Variants in CADM2 observed in about 807,000 individuals in gnomAD.
CADM2 encodes the protein immunoglobulin superfamily member 4D.
Under a neutral mutation model 49.8 loss-of-function variants are expected in CADM2, and 12 were observed. That is an observed-to-expected ratio of 0.24 (90% CI 0.15 to 0.39). CADM2 has a LOEUF of 0.39. Among genes scored for constraint, CADM2 ranks in the 10% least tolerant of loss-of-function variants. The probability of loss-of-function intolerance (pLI) is 1.00; values close to 1 mark genes in which losing one functional copy is unlikely to be tolerated. For missense variants in CADM2, 378 were observed against 492.3 expected (o/e 0.77, Z 2.20); for synonymous variants, 214 against 175.4 (o/e 1.22, Z -1.74).
intron 8 of CADM2, among the ~76,000 whole-genome samples, chr3:85,987,389 T>A (rs79187479): frequency 6.6e-6 from 1 of 151,676 alleles, no homozygotes; most frequent in African/African-American, 2.4e-5. Context: ...TAAACAGGTC[T>A]ATTTATATAG....
intron 1 of CADM2, among the ~76,000 whole-genome samples, chr3:85,203,189 A>G (rs778937868): frequency 8.5e-5 from 13 of 152,186 alleles, no homozygotes; most frequent in Non-Finnish European, 1.6e-4. Flanking sequence ...TAACTGGTGC[A>G]AGAGGCTCAG....
intron 1 of CADM2, among the ~76,000 whole-genome samples, chr3:85,488,895 A>G (rs898044813): frequency 1.3e-5 from 2 of 152,126 alleles, no homozygotes; most frequent in Non-Finnish European, 2.9e-5. Context: ...TAGCTCATAC[A>G]TGTAAGCTGT....
intron 1 of CADM2, among the ~76,000 whole-genome samples, chr3:85,199,370 T>TGTCTGAGAGAGAGAGAGAGA: frequency 7.1e-6 from 1 of 140,168 alleles, no homozygotes; most frequent in South Asian, 2.2e-4. Flanking sequence ...TGTGTGTGTA[T>TGTCTGAGAGAGAGAGAGAGA]GAGAGAGAGA....
chr3:85,870,238 T>A (rs1351807396), intron 3 of CADM2, among the ~76,000 whole-genome samples: 1 of 151,516 alleles, frequency 6.6e-6, no homozygotes, highest in African/African-American at 2.4e-5. Context: ...TTTGTTGTTG[T>A]TGATGATGAT....
intron 1 of CADM2, among the ~76,000 whole-genome samples, chr3:85,296,775 G>A (rs977524281): frequency 6.6e-6 from 1 of 152,032 alleles, no homozygotes; most frequent in Non-Finnish European, 1.5e-5. Flanking sequence ...CTACTCCTAT[G>A]CCTTGGGATT....
At chr3:86,017,728 C>CAA (rs570758624) in intron 8 of CADM2, among the ~76,000 whole-genome samples, 1 of 110,128 alleles carries the variant, frequency 9.1e-6, no homozygotes, top group Non-Finnish European at 1.9e-5. Context: ...ACCCTGTCTC[C>CAA]AAAAAAAAAA....
At chr3:85,080,456 TTCA>T (rs2107498748) in intron 1 of CADM2, among the ~76,000 whole-genome samples, 1 of 152,172 alleles carries the variant, frequency 6.6e-6, no homozygotes, top group Non-Finnish European at 1.5e-5. Flanking sequence ...AGCATATTCC[TTCA>T]ATTGTCATAG....
chr3:85,090,277 T>G (rs1575840926), intron 1 of CADM2, among the ~76,000 whole-genome samples: 1 of 152,264 alleles, frequency 6.6e-6, no homozygotes, highest in Middle Eastern at 3.4e-3. Flanking sequence ...ATGCCTACAT[T>G]ATGTTAGTAT....
At chr3:85,255,600 GAAA>G (rs1392609149) in intron 1 of CADM2, among the ~76,000 whole-genome samples, 1 of 151,634 alleles carries the variant, frequency 6.6e-6, no homozygotes, top group East Asian at 1.9e-4. Flanking sequence ...AGAACTGAGT[GAAA>G]AAAATATGTG....
chr3:85,424,316 G>A, intron 1 of CADM2, among the ~76,000 whole-genome samples: 1 of 151,216 alleles, frequency 6.6e-6, no homozygotes, highest in African/African-American at 2.4e-5. Context: ...AATTATATTT[G>A]AAAAATAATA....
chr3:85,562,868 C>A (rs892186392), intron 1 of CADM2, among the ~76,000 whole-genome samples: 1 of 152,098 alleles, frequency 6.6e-6, no homozygotes. Context: ...GGGAAGTAAT[C>A]TGGTATGCAT....
At chr3:86,046,883 C>G (rs978282601) in intron 8 of CADM2, among the ~76,000 whole-genome samples, 3 of 148,692 alleles carry the variant, frequency 2.0e-5, no homozygotes, top group African/African-American at 7.4e-5. Flanking sequence ...GACAAAACAT[C>G]TGTTAAATTT....
rs2044731467 is a variant in CADM2, at chr3:85,325,673, GGAGCAA to G, written c.61+366008_61+366013del. On this transcript the variant is annotated intron_variant, in intron 1 of 9. Coordinates refer to ENST00000383699, the MANE Select transcript of CADM2 (RefSeq NM_001167675.2). ...CCATTGCACTCCAACCTGGGCCACA[GGAGCAA>G]GACTCCATCAAAAAAAAAAAAAAAA... Among the ~76,000 whole-genome samples the G allele has an allele frequency of 2.1e-5, 3 of 143,358 alleles. No individual in the cohort carries two copies. In the South Asian group the frequency reaches 6.5e-4, roughly 31 times the overall value. 94.0% of individuals were successfully genotyped at this position (143,358 alleles called of 152,430 possible). A position where few individuals can be genotyped will look rare whatever the true frequency, so the allele number is the denominator to read the frequency against.
chr3:85,131,773 T>A (rs1441403541), intron 1 of CADM2, among the ~76,000 whole-genome samples: 1 of 152,166 alleles, frequency 6.6e-6, no homozygotes, highest in Admixed American at 6.5e-5. Context: ...AAATAATATG[T>A]TTCTCCTGAA....
At chr3:85,399,607 A>G (rs2034986683) in intron 1 of CADM2, among the ~76,000 whole-genome samples, 1 of 152,196 alleles carries the variant, frequency 6.6e-6, no homozygotes, top group South Asian at 2.1e-4. Flanking sequence ...CCTATCCATG[A>G]GCATGGAATG....
chr3:85,374,303 G>A (rs2033457211), intron 1 of CADM2, among the ~76,000 whole-genome samples: 1 of 152,076 alleles, frequency 6.6e-6, no homozygotes, highest in Non-Finnish European at 1.5e-5. Context: ...AGGTCTCTAG[G>A]GCTGGGGCAA....
At chr3:85,670,823 G>A (rs1421449965) in intron 1 of CADM2, among the ~76,000 whole-genome samples, 1 of 152,142 alleles carries the variant, frequency 6.6e-6, no homozygotes, top group Non-Finnish European at 1.5e-5. Flanking sequence ...ACAATGGAGT[G>A]ACTATACTGT....
At chr3:85,644,967 A>C (rs2064839336) in intron 1 of CADM2, among the ~76,000 whole-genome samples, 1 of 152,068 alleles carries the variant, frequency 6.6e-6, no homozygotes, top group African/African-American at 2.4e-5. Context: ...CCATTATATA[A>C]GATTTTTCCT....
intron 1 of CADM2, among the ~76,000 whole-genome samples, chr3:85,493,278 T>C (rs2107650632): frequency 6.6e-6 from 1 of 152,282 alleles, no homozygotes; most frequent in South Asian, 2.1e-4. Flanking sequence ...GCTTCCTTCT[T>C]GTATGTATTA....
Sources: allele counts gnomAD v4.1 joint callset (sites outside exome capture counted in the v4.1 genomes callset), GRCh38; gene constraint gnomAD v4.1.1; transcripts MANE v1.5; gene names NCBI Gene and HGNC (gene_info 2026-07-23, HGNC 2026-07-21).